The following SMARCA5 variants were observed in gnomAD, a reference collection of about 807,000 sequenced individuals.
SMARCA5 encodes the protein SWI/SNF-related matrix-associated actin-dependent regulator of chromatin subfamily A member 5.
Under a neutral mutation model 140.4 loss-of-function variants are expected in SMARCA5, and 18 were observed. That is an observed-to-expected ratio of 0.13 (90% CI 0.09 to 0.19). The LOEUF is 0.19. SMARCA5 is among the 10% of genes least tolerant of loss of function. SMARCA5 has a pLI of 1.00. For synonymous variants in SMARCA5, 449 were observed against 419.6 expected (o/e 1.07, Z -0.86); for missense variants, 606 against 1,276.8 (o/e 0.47, Z 8.01).
At chr4:143,526,685 C>T (rs1051778613) in intron 6 of SMARCA5, among the ~76,000 whole-genome samples, 1 of 151,870 alleles carries the variant, frequency 6.6e-6, no homozygotes, top group African/African-American at 2.4e-5. Flanking sequence ...CACAGTGAAA[C>T]CCCGTTTCTA....
chr4:143,528,051 C>A, intron 7 of SMARCA5, 28 bp downstream of exon 7: 1 of 1,509,542 alleles, frequency 6.6e-7, no homozygotes. Flanking sequence ...TGTGAAAAGC[C>A]TTCATGTAAG....
At position 143,556,715 on chromosome 4, in the gene SMARCA5, C is replaced by CA. The variant is rs1560825584; in HGVS notation, c.*3532dup. On this transcript the variant is annotated 3_prime_UTR_variant, in exon 24 of 24. Coordinates refer to ENST00000283131, the MANE Select transcript of SMARCA5 (RefSeq NM_003601.4). ...AAAGGTGAGGGCATCCCTCAGATGA[C>CA]AGATAATGGGCAAAATACATTCTTG... 2 of 152,116 alleles carry CA rather than the reference C, an allele frequency of 1.3e-5. No homozygotes were observed. Among genetic ancestry groups the CA allele is most frequent in the African/African-American group, 4.8e-5 (2 of 41,414 alleles). 9.4% of individuals were successfully genotyped at this position (152,116 alleles called of 1,614,324 possible).
At position 143,513,988 on chromosome 4, in the gene SMARCA5, G is replaced by C; in HGVS notation, c.64G>C (p.Ala22Pro). The C allele has an allele frequency of 6.4e-7, 1 of 1,563,344 alleles. No individual in the cohort carries two copies. Among genetic ancestry groups the C allele is most frequent in the African/African-American group, 1.4e-5 (1 of 73,986 alleles). Residue 22 changes from alanine to proline, a missense_variant, in exon 1 of 24, where the codon GCC becomes CCC. Transcript: ENST00000283131. ...PPESAPSKPA[A>P]SIASGGSNSS... ...CGAGAGCGCGCCTTCCAAGCCCGCA[G>C]CCTCGATCGCCAGCGGCGGGAGCAA...
At chr4:143,532,656 C>G (rs185724396) in intron 9 of SMARCA5, among the ~76,000 whole-genome samples, 85 of 152,236 alleles carry the variant, frequency 5.6e-4, no homozygotes, top group Admixed American at 2.5e-3. Context: ...TTATCTAATG[C>G]TGCAAAAGAA....
Position 143,526,993 on chromosome 4 carries a change from T to C in SMARCA5, c.801+533T>C, listed in dbSNP as rs143508912. On this transcript the variant is annotated intron_variant, in intron 6 of 23. Coordinates refer to ENST00000283131, the MANE Select transcript of SMARCA5 (RefSeq NM_003601.4). ...TGTGCTCTCATTAGAAGTTATTTTC[T>C]TGTTTTTAAAAGATATTTTGAAATG... is the stretch of plus-strand genomic sequence containing the variant. 1.4e-4 allele frequency among the ~76,000 whole-genome samples: 22 copies of C among 152,348 alleles called. No homozygotes were observed. In the East Asian group the frequency reaches 4.2e-3, roughly 29 times the overall value.
intron 9 of SMARCA5, among the ~76,000 whole-genome samples, chr4:143,532,226 G>T (rs559890756): frequency 6.4e-4 from 98 of 152,264 alleles, no homozygotes; most frequent in Middle Eastern, 3.4e-3. Context: ...CAATTCAGAT[G>T]GCATTCATGC....
At chr4:143,518,083 G>A (rs1220987022) in intron 2 of SMARCA5, among the ~76,000 whole-genome samples, 1 of 152,194 alleles carries the variant, frequency 6.6e-6, no homozygotes, top group Non-Finnish European at 1.5e-5. Context: ...CACTTGACTA[G>A]CATTGTACTC....
At chr4:143,527,468 C>T (rs1282263688) in intron 6 of SMARCA5, among the ~76,000 whole-genome samples, 1 of 152,160 alleles carries the variant, frequency 6.6e-6, no homozygotes, top group Admixed American at 6.5e-5. Flanking sequence ...TGTGTTAATA[C>T]ATTTATAAAC....
chr4:143,527,885 C>A lies in SMARCA5; in HGVS notation c.819C>A (p.Asp273Glu), dbSNP rs78019012. The change falls in exon 7 of 24, where the codon GAC (aspartate) becomes GAA (glutamate). Residue 273 changes from aspartate to glutamate, a missense_variant. Physicochemically the swap from Asp to Glu is conservative, Grantham distance 45. Transcript: ENST00000283131. ...TTACACAGGCTGCTTTTGTCAGAGACGTTTTATTACCGGGAGAATGGGATG... is the reference window on the plus strand; with the variant it reads ...TTACACAGGCTGCTTTTGTCAGAGAAGTTTTATTACCGGGAGAATGGGATG... ...DKEQRAAFVR[D>E]VLLPGEWDVC... The A allele has an allele frequency of 3.8e-6, 6 of 1,591,700 alleles. No homozygotes were observed. Among genetic ancestry groups the A allele is most frequent in the Non-Finnish European group, 5.1e-6 (6 of 1,174,350 alleles).
At chr4:143,538,308 G>T (rs1385050498) in intron 11 of SMARCA5, among the ~76,000 whole-genome samples, 2 of 152,072 alleles carry the variant, frequency 1.3e-5, no homozygotes, top group Non-Finnish European at 2.9e-5. Flanking sequence ...AATGTATATG[G>T]GGTAACAAGA....
intron 18 of SMARCA5, 75 bp from the exon 19 acceptor site, chr4:143,545,850 G>T: frequency 7.5e-7 from 1 of 1,329,864 alleles, no homozygotes; most frequent in African/African-American, 1.5e-5. Flanking sequence ...TGAAACTTGT[G>T]AAATGTCAGT....
chr4:143,545,193 G>A (rs752730146), intron 17 of SMARCA5, among the ~76,000 whole-genome samples: 8 of 151,926 alleles, frequency 5.3e-5, no homozygotes, highest in African/African-American at 1.4e-4. Context: ...CGCCCACCTT[G>A]GTCTCCCAAA....
rs770632050 is a variant in SMARCA5, at chr4:143,544,706, T to A, written c.2173-31T>A. On this transcript the variant is annotated intron_variant, in intron 16 of 23. Transcript: ENST00000283131. ...GATTTGTTACTGTGTATAATAAAAG[T>A]TGGTGATTTGAGTTGTTTCCCATGT... The A allele has an allele frequency of 6.1e-6, 7 of 1,150,666 alleles. 1 individual carries two copies. The Admixed American group carries it at 1.4e-4, about 22-fold the overall frequency. The allele number at this position is 1,150,666 out of a possible 1,614,324, so 71.3% of individuals were successfully genotyped here.
Position 143,524,546 on chromosome 4 carries a change from C to G in SMARCA5, c.520+79C>G, listed in dbSNP as rs541473730. The G allele has an allele frequency of 1.5e-5, 13 of 888,428 alleles. No homozygotes were observed. The African/African-American group carries it at 2.2e-4, about 15-fold the overall frequency. 55.0% of individuals were successfully genotyped at this position (888,428 alleles called of 1,614,324 possible). On this transcript the variant is annotated intron_variant, in intron 4 of 23. Coordinates refer to ENST00000283131, the MANE Select transcript of SMARCA5 (RefSeq NM_003601.4). ...GGTTAATGTTTTGGATTTGTGTTGG[C>G]TACTATTTGTGAAGCAAATTTTTAG...
chr4:143,528,497 C>A, intron 7 of SMARCA5, 86 bp from the exon 8 acceptor site: 1 of 1,153,040 alleles, frequency 8.7e-7, no homozygotes, highest in Non-Finnish European at 1.2e-6. Flanking sequence ...CATTGTTGGG[C>A]ATTTGTGTTG....
intron 22 of SMARCA5, among the ~76,000 whole-genome samples, chr4:143,549,310 G>T (rs1460831529): frequency 6.6e-6 from 1 of 152,080 alleles, no homozygotes; most frequent in African/African-American, 2.4e-5. Context: ...AGTTGTGTGT[G>T]TAGTAGTATC....
chr4:143,531,166 A>G (rs182956394), intron 9 of SMARCA5, among the ~76,000 whole-genome samples: 82 of 152,226 alleles, frequency 5.4e-4, no homozygotes, highest in African/African-American at 1.6e-3. Flanking sequence ...ATTCCATGGA[A>G]GAATCTAACA....
chr4:143,527,000 T>G (rs1372428322), intron 6 of SMARCA5, among the ~76,000 whole-genome samples: 2 of 152,212 alleles, frequency 1.3e-5, no homozygotes, highest in Non-Finnish European at 2.9e-5. Context: ...TTCTTGTTTT[T>G]AAAAGATATT....
At position 143,545,936 on chromosome 4, in the gene SMARCA5, T is replaced by C. The variant is rs758218450; in HGVS notation, c.2409T>C (p.Asn803=). The change falls in exon 19 of 24, where the codon AAT becomes AAC. Residue 803 remains asparagine (N), a synonymous_variant. Coordinates refer to ENST00000283131, the MANE Select transcript of SMARCA5 (RefSeq NM_003601.4). Reference sequence around the variant, plus strand: ...AAAATATCTTTTAGGTACCTCGAAATCCTGAGCTGCCTAATGCAGCACAGG... The same window carrying C: ...AAAATATCTTTTAGGTACCTCGAAACCCTGAGCTGCCTAATGCAGCACAGG... ...RKTIGYKVPR[N]PELPNAAQAQ... 6.2e-7 allele frequency: 1 copy of C among 1,604,080 alleles called. No homozygotes were observed. The highest frequency in any genetic ancestry group is 1.1e-5 in the South Asian group (1 of 89,046).
Sources: allele counts gnomAD v4.1 joint callset (sites outside exome capture counted in the v4.1 genomes callset), GRCh38; gene constraint gnomAD v4.1.1; transcripts MANE v1.5; gene names NCBI Gene and HGNC (gene_info 2026-07-23, HGNC 2026-07-21).